CADM2: variants seen among roughly 807,000 people sequenced by gnomAD.
The protein encoded by CADM2 is immunoglobulin superfamily member 4D.
Under a neutral mutation model 49.8 loss-of-function variants are expected in CADM2, and 12 were observed. The ratio of observed to expected loss-of-function variants is 0.24; its 90% CI spans 0.15 to 0.39. The LOEUF (loss-of-function observed/expected upper bound fraction) is 0.39, where lower values mean the gene tolerates loss of function less well. CADM2 is among the 10% of genes least tolerant of loss of function. The probability of loss-of-function intolerance (pLI) is 1.00; values close to 1 mark genes in which losing one functional copy is unlikely to be tolerated. For missense variants in CADM2, 378 were observed against 492.3 expected (o/e 0.77, Z 2.20); for synonymous variants, 214 against 175.4 (o/e 1.22, Z -1.74).
chr3:85,182,371 T>C (rs1413822615), intron 1 of CADM2, among the ~76,000 whole-genome samples: 1 of 152,098 alleles, frequency 6.6e-6, no homozygotes, highest in African/African-American at 2.4e-5. Flanking sequence ...AATACCATGT[T>C]GGCATCTTGT....
intron 1 of CADM2, among the ~76,000 whole-genome samples, chr3:85,171,658 G>C (rs1008133185): frequency 1.3e-5 from 2 of 151,950 alleles, no homozygotes; most frequent in African/African-American, 4.8e-5. Context: ...TTTGTTCTTT[G>C]GCAACCCCCT....
intron 7 of CADM2, among the ~76,000 whole-genome samples, chr3:85,940,283 G>A (rs1250355475): frequency 2.0e-5 from 3 of 151,640 alleles, no homozygotes; most frequent in Non-Finnish European, 4.4e-5. Flanking sequence ...AAGTTGCAGT[G>A]AGCCGAGATC....
At chr3:85,603,465 T>TA (rs2063469597) in intron 1 of CADM2, among the ~76,000 whole-genome samples, 1 of 151,928 alleles carries the variant, frequency 6.6e-6, no homozygotes, top group Non-Finnish European at 1.5e-5. Context: ...AGAAGAAACT[T>TA]ATGTGTCAGC....
At chr3:85,500,464 T>C (rs1037649122) in intron 1 of CADM2, among the ~76,000 whole-genome samples, 4 of 152,066 alleles carry the variant, frequency 2.6e-5, no homozygotes, top group African/African-American at 4.8e-5. Flanking sequence ...TTATAATTGA[T>C]GGCTTATTGG....
intron 1 of CADM2, among the ~76,000 whole-genome samples, chr3:85,649,797 C>T (rs2107577625): frequency 6.6e-6 from 1 of 152,160 alleles, no homozygotes; most frequent in African/African-American, 2.4e-5. Flanking sequence ...GTGGCTCAGT[C>T]CAGTTATAAA....
chr3:85,437,363 A>G (rs1346563722), intron 1 of CADM2, among the ~76,000 whole-genome samples: 1 of 152,152 alleles, frequency 6.6e-6, no homozygotes, highest in East Asian at 1.9e-4. Flanking sequence ...CTTTGGGTAA[A>G]TGCCAAGAAG....
At chr3:85,790,975 A>G (rs373853935) in intron 2 of CADM2, among the ~76,000 whole-genome samples, 3 of 152,334 alleles carry the variant, frequency 2.0e-5, no homozygotes, top group Non-Finnish European at 1.5e-5. Flanking sequence ...CTGAATTCAA[A>G]TGGATGAGGT....
intron 1 of CADM2, among the ~76,000 whole-genome samples, chr3:85,009,742 T>TA (rs2033897901): frequency 6.6e-6 from 1 of 151,886 alleles, no homozygotes; most frequent in African/African-American, 2.4e-5. Flanking sequence ...AGCGTGCACC[T>TA]GTAGTCCCAG....
chr3:85,880,767 A>G (rs927952192), intron 3 of CADM2, among the ~76,000 whole-genome samples: 4 of 152,186 alleles, frequency 2.6e-5, no homozygotes, highest in Non-Finnish European at 4.4e-5. Flanking sequence ...TCACTCTCCT[A>G]TGAGAAATGC....
chr3:84,982,416 T>C (rs2032235295), intron 1 of CADM2, among the ~76,000 whole-genome samples: 1 of 151,922 alleles, frequency 6.6e-6, no homozygotes, highest in Non-Finnish European at 1.5e-5. Context: ...CAACATAAAC[T>C]AAATATCTGG....
intron 2 of CADM2, among the ~76,000 whole-genome samples, chr3:85,785,079 C>T (rs2070897234): frequency 6.6e-6 from 1 of 152,064 alleles, no homozygotes; most frequent in Non-Finnish European, 1.5e-5. Context: ...ATATAGTTAA[C>T]ATAATAAACT....
chr3:85,920,450 A>AATGGTATAT (rs1302494049), intron 6 of CADM2, among the ~76,000 whole-genome samples: 5 of 151,882 alleles, frequency 3.3e-5, no homozygotes, highest in Non-Finnish European at 5.9e-5. Flanking sequence ...AAGCTACTGA[A>AATGGTATAT]ATGGTATATA....
At chr3:85,839,579 T>A (rs1412532178) in intron 3 of CADM2, among the ~76,000 whole-genome samples, 3 of 151,856 alleles carry the variant, frequency 2.0e-5, no homozygotes, top group Non-Finnish European at 4.4e-5. Context: ...ATTGGTGTAC[T>A]TCTTACCTCA....
intron 1 of CADM2, among the ~76,000 whole-genome samples, chr3:85,557,821 T>C (rs1421583958): frequency 1.3e-5 from 2 of 152,058 alleles, no homozygotes; most frequent in African/African-American, 4.8e-5. Flanking sequence ...TCCTGTGCCC[T>C]ATGTGCCATG....
chr3:86,052,904 G>A (rs1387943576), intron 8 of CADM2, among the ~76,000 whole-genome samples: 1 of 151,938 alleles, frequency 6.6e-6, no homozygotes, highest in African/African-American at 2.4e-5. Context: ...TCACAAACAT[G>A]CACACAACTA....
intron 2 of CADM2, among the ~76,000 whole-genome samples, chr3:85,734,604 C>T (rs1468524423): frequency 6.8e-6 from 1 of 148,118 alleles, no homozygotes; most frequent in Non-Finnish European, 1.5e-5. Flanking sequence ...TATATACATA[C>T]ATATATGTAT....
intron 1 of CADM2, among the ~76,000 whole-genome samples, chr3:85,713,784 T>C (rs1577143085): frequency 6.6e-6 from 1 of 152,252 alleles, no homozygotes; most frequent in African/African-American, 2.4e-5. Context: ...TGATGGATTA[T>C]AAATAGGTAT....
rs542354339 is a variant in CADM2 at position 84,999,039 on chromosome 3, T to G, written c.61+39371T>G. ...CTAAAAACGATTGCATTACCACAGA[T>G]CCACAAAAATTACAGTAAGAATACC... On this transcript the variant is annotated intron_variant, in intron 1 of 9. Transcript: ENST00000383699. Among the ~76,000 whole-genome samples the G allele has an allele frequency of 2.6e-5, 4 of 152,276 alleles. No homozygotes were observed. The East Asian group carries it at 7.7e-4, about 29-fold the overall frequency.
intron 1 of CADM2, among the ~76,000 whole-genome samples, chr3:85,190,674 A>G (rs2041187172): frequency 6.6e-6 from 1 of 152,174 alleles, no homozygotes; most frequent in Non-Finnish European, 1.5e-5. Context: ...GAGCAGTAGA[A>G]TAATATTAAG....
Sources: gnomAD v4.1 joint callset for allele counts (sites outside exome capture counted in the v4.1 genomes callset) on GRCh38, gnomAD v4.1.1 for gene constraint, MANE v1.5 for transcripts, NCBI Gene and HGNC (gene_info 2026-07-23, HGNC 2026-07-21) for gene names.